HSPH1: variants seen among roughly 807,000 people sequenced by gnomAD.
The protein encoded by HSPH1 is heat shock protein family H (Hsp110) member 1, also known as heat shock protein 105 kDa.
Under a neutral mutation model 100.0 loss-of-function variants are expected in HSPH1, and 40 were observed. The observed-to-expected ratio is 0.40, with a 90% CI of 0.31 to 0.52. The LOEUF is 0.52. Ranked by LOEUF, HSPH1 falls within the 20% of genes least tolerant of loss-of-function variation. The pLI, the probability that HSPH1 is intolerant of heterozygous loss-of-function variation, is 0.54. For missense variants in HSPH1, 876 were observed against 1,015.1 expected (o/e 0.86, Z 1.86); for synonymous variants, 403 against 344.0 (o/e 1.17, Z -1.90).
At chr13:31,160,739 T>C (rs1956868653) in intron 1 of HSPH1, among the ~76,000 whole-genome samples, 1 of 152,146 alleles carries the variant, frequency 6.6e-6, no homozygotes, top group African/African-American at 2.4e-5. Flanking sequence ...TGTGCAAAAT[T>C]AATTTTAAAA....
At chr13:31,161,084 C>T (rs933322307) in intron 1 of HSPH1, among the ~76,000 whole-genome samples, 1 of 152,188 alleles carries the variant, frequency 6.6e-6, no homozygotes, top group African/African-American at 2.4e-5. Context: ...TCAGAGAGGC[C>T]GGGTGGGGAT....
At chr13:31,156,836 G>A (rs575260265) in intron 2 of HSPH1, among the ~76,000 whole-genome samples, 94 of 152,108 alleles carry the variant, frequency 6.2e-4, no homozygotes, top group African/African-American at 8.2e-4. Context: ...CACAACTGGC[G>A]CACGTTTGTT....
At chr13:31,138,620 T>C (rs1436370581) in intron 16 of HSPH1, 52 bp from the exon 17 acceptor site, 17 of 1,542,378 alleles carry the variant, frequency 1.1e-5, no homozygotes, top group Non-Finnish European at 1.3e-5. Flanking sequence ...CAATAGTATC[T>C]CATTTGACTC....
intron 7 of HSPH1, among the ~76,000 whole-genome samples, chr13:31,150,482 G>A (rs1368122858): frequency 6.6e-6 from 1 of 152,124 alleles, no homozygotes; most frequent in Non-Finnish European, 1.5e-5. Context: ...TGAGTGCAGT[G>A]GCACAATCAT....
intron 2 of HSPH1, among the ~76,000 whole-genome samples, chr13:31,156,469 C>T (rs192606832): frequency 1.0e-3 from 156 of 151,548 alleles, no homozygotes; most frequent in African/African-American, 3.5e-3. Flanking sequence ...GAGGCTGAGG[C>T]AGGAGAATCG....
At position 31,145,545 on chromosome 13, in the gene HSPH1, G is replaced by A; in HGVS notation, c.1584+18C>T. ...AAGTCAACTCTATTCAAACACAAAG[G>A]TTTATCCACAAACTTACATCAGTGT... is the stretch of plus-strand genomic sequence containing the variant. On this transcript the variant is annotated intron_variant, in intron 11 of 17. Coordinates refer to ENST00000320027, the MANE Select transcript of HSPH1 (RefSeq NM_006644.4). 2 of 1,600,610 alleles carry A rather than the reference G, an allele frequency of 1.2e-6. No homozygotes were observed. Among genetic ancestry groups the A allele is most frequent in the African/African-American group, 1.3e-5 (1 of 74,694 alleles).
rs549502579 is a variant in HSPH1, at chr13:31,160,110, C to T, written c.108-1247G>A. ...CATACCTGTTGTCTTTGATTTCACA[C>T]AGTAGTCCCTGTATAACACAATTTT... On this transcript the variant is annotated intron_variant, in intron 1 of 17. Coordinates refer to ENST00000320027, the MANE Select transcript of HSPH1 (RefSeq NM_006644.4). Among the ~76,000 whole-genome samples, 4 of 152,352 alleles carry T rather than the reference C, an allele frequency of 2.6e-5. No homozygotes were observed. In the South Asian group the frequency reaches 8.3e-4, roughly 32 times the overall value.
At position 31,136,300 on chromosome 13, in the gene HSPH1, A is replaced by G. The variant is rs1955881329; in HGVS notation, c.*1018T>C. 1 of 152,210 alleles carries G rather than the reference A, an allele frequency of 6.6e-6. No individual in the cohort carries two copies. The highest frequency in any genetic ancestry group is 1.5e-5 in the Non-Finnish European group (1 of 68,044). The allele number at this position is 152,210 out of a possible 1,614,324, so 9.4% of individuals were successfully genotyped here. ...AATTTCCCTGGCACAGAGTTTTTAA[A>G]AACAGCCTACAGCACTATAACATAG... is the stretch of plus-strand genomic sequence containing the variant. On this transcript the variant is annotated 3_prime_UTR_variant, in exon 18 of 18. Coordinates refer to ENST00000320027, the MANE Select transcript of HSPH1 (RefSeq NM_006644.4).
chr13:31,161,907 A>C (rs1956936634), upstream of HSPH1: 7 of 1,508,722 alleles, frequency 4.6e-6, no homozygotes, highest in South Asian at 6.1e-5. Flanking sequence ...ACCGACCCAA[A>C]AGGGGAGGTC....
chr13:31,141,000 C>A, intron 13 of HSPH1, 122 bp downstream of exon 13: 1 of 638,944 alleles, frequency 1.6e-6, no homozygotes. Flanking sequence ...CATCCTATCC[C>A]TAAAACTATA....
intron 4 of HSPH1, chr13:31,154,135 A>G (rs1306263409): frequency 5.6e-6 from 1 of 177,432 alleles, no homozygotes; most frequent in Admixed American, 5.7e-5. Context: ...TGGTGTCCAA[A>G]TAAAAGATGA....
At position 31,140,530 on chromosome 13, in the gene HSPH1, T is replaced by TACAC. The variant is rs555852463; in HGVS notation, c.1855-225_1855-222dup. ...TGATTTTTTTAACATTGTAACCGAT[T>TACAC]ACACAGACTTCATATTTAATGCTAA... On this transcript the variant is annotated intron_variant, in intron 13 of 17. Transcript: ENST00000320027. 1,533 of 312,472 alleles carry TACAC rather than the reference T, an allele frequency of 4.9e-3. 15 individuals carry two copies. Among genetic ancestry groups the TACAC allele is most frequent in the Middle Eastern group, 0.012 (13 of 1,088 alleles). The allele number at this position is 312,472 out of a possible 1,614,324, so 19.4% of individuals were successfully genotyped here.
chr13:31,161,889 G>A lies in HSPH1; in HGVS notation c.-307C>T, dbSNP rs912869133. The A allele has an allele frequency of 7.4e-6, 11 of 1,493,314 alleles. No individual in the cohort carries two copies. In the East Asian group the frequency reaches 9.9e-5, roughly 13 times the overall value. The allele number at this position is 1,493,314 out of a possible 1,614,324, so 92.5% of individuals were successfully genotyped here. On this transcript the variant is annotated 5_prime_UTR_variant, in exon 1 of 18. Transcript: ENST00000320027. ...CCGCGGCTCGCACACCGGCGCCGGC[G>A]CTGAACTACCGACCCAAAAGGGGAG...
At chr13:31,158,666 T>A in intron 2 of HSPH1, 140 bp downstream of exon 2, 1 of 568,514 alleles carries the variant, frequency 1.8e-6, no homozygotes. Flanking sequence ...TGAAGGTTCA[T>A]AAAGAATACT....
chr13:31,161,388 G>C (rs1403092817), intron 1 of HSPH1, 88 bp downstream of exon 1: 2 of 1,540,308 alleles, frequency 1.3e-6, no homozygotes, highest in Non-Finnish European at 1.8e-6. Flanking sequence ...GTTTGCCGCG[G>C]TGATCCGTAC....
intron 1 of HSPH1, among the ~76,000 whole-genome samples, chr13:31,160,017 A>G (rs1956839411): frequency 1.3e-5 from 2 of 152,224 alleles, no homozygotes; most frequent in Non-Finnish European, 2.9e-5. Flanking sequence ...AGAATCCACC[A>G]CAATTATAGT....
At position 31,152,850 on chromosome 13, in the gene HSPH1, A is replaced by G. The variant is rs775878356; in HGVS notation, c.529+2T>C. On this transcript the variant is annotated splice_donor_variant, in intron 5 of 17. Coordinates refer to ENST00000320027, the MANE Select transcript of HSPH1 (RefSeq NM_006644.4). LOFTEE classifies it high-confidence loss of function. Reference sequence around the variant, plus strand: ...ACTTCCACACAAATGCCTTTTCCTTACCAGCTGTCATGTCATTCATAAGTC... The same window carrying G: ...ACTTCCACACAAATGCCTTTTCCTTGCCAGCTGTCATGTCATTCATAAGTC... The G allele has an allele frequency of 6.3e-7, 1 of 1,593,416 alleles. No individual in the cohort carries two copies. The highest frequency in any genetic ancestry group is 1.7e-5 in the Admixed American group (1 of 59,960).
chr13:31,153,331 G>T (rs1220801783), intron 4 of HSPH1, among the ~76,000 whole-genome samples: 1 of 152,124 alleles, frequency 6.6e-6, no homozygotes, highest in African/African-American at 2.4e-5. Flanking sequence ...TATAATGCTA[G>T]GTCAACATTT....
Position 31,137,906 on chromosome 13 carries a change from G to A in HSPH1, c.2371-382C>T, listed in dbSNP as rs149747022. 1.1e-4 allele frequency among the ~76,000 whole-genome samples: 17 copies of A among 152,244 alleles called. No individual in the cohort carries two copies. In the South Asian group the frequency reaches 3.5e-3, roughly 32 times the overall value. On this transcript the variant is annotated intron_variant, in intron 17 of 17. Coordinates refer to ENST00000320027, the MANE Select transcript of HSPH1 (RefSeq NM_006644.4). ...AGCTTGAAACTGACAGTGCTTAAAA[G>A]GGTCACTTTTCCTTGACCTTCACTG... is the stretch of plus-strand genomic sequence containing the variant.
Sources: allele counts gnomAD v4.1 joint callset (sites outside exome capture counted in the v4.1 genomes callset), GRCh38; gene constraint gnomAD v4.1.1; transcripts MANE v1.5; gene names NCBI Gene and HGNC (gene_info 2026-07-23, HGNC 2026-07-21).